Variants in LRRC37A2 observed in about 807,000 individuals in gnomAD.
The protein encoded by LRRC37A2 is leucine rich repeat containing 37 member A2, also known as leucine-rich repeat-containing protein 37A2.
Under a neutral mutation model 68.8 loss-of-function variants are expected in LRRC37A2, and 9 were observed. The observed-to-expected ratio is 0.13, with a 90% CI of 0.08 to 0.23. The LOEUF is 0.23. LRRC37A2 is among the 10% of genes least tolerant of loss of function. LRRC37A2 has a pLI of 1.00. For synonymous variants in LRRC37A2, 63 were observed against 367.6 expected, an observed-to-expected ratio of 0.17 and a Z score of 9.48; for missense variants, 168 against 950.4, an observed-to-expected ratio of 0.18 and a Z score of 10.82.
the LRRC37A2 span, chr17:46,940,388 G>C: frequency 6.5e-6 from 10 of 1,543,372 alleles, no homozygotes; most frequent in South Asian, 2.4e-5. Flanking sequence ...AGGGTGGACT[G>C]GGGGGTTGCA....
chr17:47,049,082 T>C, the LRRC37A2 span: 1 of 723,158 alleles, frequency 1.4e-6, no homozygotes, highest in Non-Finnish European at 2.4e-6. Flanking sequence ...GTGTGTCTCC[T>C]CTCTGAATGG....
At chr17:46,816,493 A>G in the LRRC37A2 span, among the ~76,000 whole-genome samples, 13 of 151,136 alleles carry the variant, frequency 8.6e-5, no homozygotes, top group East Asian at 5.9e-4. Context: ...ACACACACAC[A>G]CACACACACA....
the LRRC37A2 span, among the ~76,000 whole-genome samples, chr17:46,993,032 A>G: frequency 1.6e-4 from 22 of 133,904 alleles, no homozygotes; most frequent in Non-Finnish European, 3.1e-4. Flanking sequence ...GCCCAAACTG[A>G]CAGTGGCCAT....
the LRRC37A2 span, among the ~76,000 whole-genome samples, chr17:46,916,489 T>C: frequency 6.6e-6 from 1 of 152,240 alleles, no homozygotes; most frequent in Non-Finnish European, 1.5e-5. Flanking sequence ...TTGGATGATA[T>C]ATTGTTGTAA....
At chr17:46,957,702 ATT>A in the LRRC37A2 span, among the ~76,000 whole-genome samples, 2 of 152,164 alleles carry the variant, frequency 1.3e-5, no homozygotes, top group Non-Finnish European at 2.9e-5. Context: ...ATGAAGGAAG[ATT>A]TGTTTGGTAG....
At chr17:47,026,079 G>T in the LRRC37A2 span, among the ~76,000 whole-genome samples, 16,867 of 149,110 alleles carry the variant, frequency 0.11, 1,057 homozygotes, top group South Asian at 0.22. Context: ...CACTAGGAGG[G>T]ATAAATTGTT....
chr17:46,859,929 GTGCTCTA>G, the LRRC37A2 span, among the ~76,000 whole-genome samples: 3 of 152,122 alleles, frequency 2.0e-5, no homozygotes, highest in Non-Finnish European at 4.4e-5. Context: ...TTCTTCCAAT[GTGCTCTA>G]TGTATTTAGA....
At chr17:46,900,386 GACTAGAGGTGTGTGTCACCACACCC>G in the LRRC37A2 span, among the ~76,000 whole-genome samples, 1 of 151,810 alleles carries the variant, frequency 6.6e-6, no homozygotes, top group Non-Finnish European at 1.5e-5. Flanking sequence ...TAGTAGCTGG[GACTAGAGGTGTGTGTCACCACACCC>G]AGCTAATTTT....
chr17:46,938,479 T>G, the LRRC37A2 span: 1 of 1,485,514 alleles, frequency 6.7e-7, no homozygotes, highest in Non-Finnish European at 9.3e-7. Flanking sequence ...TTGCTTTCTG[T>G]GTATTCTGGG....
chr17:46,908,192 G>A, the LRRC37A2 span, among the ~76,000 whole-genome samples: 128,235 of 142,422 alleles, frequency 0.9, 58,452 homozygotes, highest in East Asian at 0.99. Flanking sequence ...CTCCCCCACC[G>A]CCCCCCTCAC....
At chr17:46,829,795 G>T in the LRRC37A2 span, among the ~76,000 whole-genome samples, 1 of 151,366 alleles carries the variant, frequency 6.6e-6, no homozygotes, top group Non-Finnish European at 1.5e-5. Context: ...TGATGCTGTG[G>T]TGGGGTGGGG....
chr17:46,935,521 G>A, the LRRC37A2 span: 2 of 1,284,466 alleles, frequency 1.6e-6, no homozygotes, highest in East Asian at 3.4e-5. Context: ...AGACGTGGCT[G>A]TCCTTTGGTA....
chr17:46,954,124 G>A, the LRRC37A2 span, among the ~76,000 whole-genome samples: 1 of 152,270 alleles, frequency 6.6e-6, no homozygotes, highest in South Asian at 2.1e-4. Context: ...CCTATGTCCT[G>A]AATGGTATTG....
At chr17:46,534,196 T>A (rs2054194592) in intron 6 of LRRC37A2, among the ~76,000 whole-genome samples, 1 of 149,184 alleles carries the variant, frequency 6.7e-6, no homozygotes, top group African/African-American at 2.6e-5. Flanking sequence ...TTTTTGTTTT[T>A]GTTTTTTTTA....
the LRRC37A2 span, among the ~76,000 whole-genome samples, chr17:46,730,752 A>G: frequency 1.1e-4 from 16 of 152,184 alleles, no homozygotes; most frequent in East Asian, 1.2e-3. Flanking sequence ...ATATGATAAG[A>G]GTGAAAACAT....
the LRRC37A2 span, chr17:46,755,459 A>AAT: frequency 8.1e-6 from 9 of 1,113,900 alleles, no homozygotes; most frequent in African/African-American, 1.5e-5. Context: ...TTCCTAGATA[A>AAT]GTTTGTTTCC....
the LRRC37A2 span, chr17:47,021,689 T>G: frequency 1.4e-6 from 1 of 716,304 alleles, no homozygotes; most frequent in Non-Finnish European, 2.3e-6. Context: ...CATAATTTCT[T>G]GATGAATTGT....
At chr17:46,429,322 AAC>A in the LRRC37A2 span, among the ~76,000 whole-genome samples, 1 of 103,230 alleles carries the variant, frequency 9.7e-6, no homozygotes, top group Non-Finnish European at 2.0e-5. Context: ...CCCCCCACAA[AAC>A]AGATTTTTAA....
the LRRC37A2 span, among the ~76,000 whole-genome samples, chr17:46,810,132 G>T: frequency 6.1e-4 from 92 of 150,632 alleles, no homozygotes; most frequent in African/African-American, 2.2e-3. Context: ...TCAGCCTTCC[G>T]AGTAGCTGGG....
Sources: allele counts gnomAD v4.1 joint callset (sites outside exome capture counted in the v4.1 genomes callset), GRCh38; gene constraint gnomAD v4.1.1; transcripts MANE v1.5; gene names NCBI Gene and HGNC (gene_info 2026-07-23, HGNC 2026-07-21).